The following PASK variants were observed in gnomAD, a reference collection of about 807,000 sequenced individuals.
PASK encodes PAS domain-containing serine/threonine-protein kinase.
In PASK, 110 loss-of-function variants were observed where a neutral mutation model predicts 121.0. That is an observed-to-expected ratio of 0.91 (90% CI 0.78 to 1.06). PASK has a LOEUF of 1.06. PASK is among the 50% of genes least tolerant of loss of function. The pLI, the probability that PASK is intolerant of heterozygous loss-of-function variation, is 0.00. For synonymous variants in PASK, 686 were observed against 717.8 expected (o/e 0.96, Z 0.71); for missense variants, 1,643 against 1,702.3 (o/e 0.97, Z 0.61).
chr2:241,149,889 G>A, upstream of PASK: 2 of 1,442,760 alleles, frequency 1.4e-6, no homozygotes, highest in Non-Finnish European at 1.8e-6. Flanking sequence ...CTGGCTAGCG[G>A]CCCCACCAGC....
chr2:241,148,316 C>T (rs939929234), intron 1 of PASK, among the ~76,000 whole-genome samples: 4 of 152,180 alleles, frequency 2.6e-5, no homozygotes, highest in African/African-American at 9.7e-5. Flanking sequence ...CCCCCTCCCA[C>T]CAGAACATAA....
chr2:241,116,060 A>G lies in PASK; in HGVS notation c.3073-647T>C, dbSNP rs1189840087. ...ACCCAGTCCTCAAGCATCCCATTAC[A>G]CCAGAGACACCCAGTCCTCCAGCAT... On this transcript the variant is annotated intron_variant, in intron 12 of 17. Coordinates refer to ENST00000234040, the MANE Select transcript of PASK (RefSeq NM_015148.4). Among the ~76,000 whole-genome samples, 3 of 135,464 alleles carry G rather than the reference A, an allele frequency of 2.2e-5. 1 individual carries two copies. Among genetic ancestry groups the G allele is most frequent in the Non-Finnish European group, 4.6e-5 (3 of 65,124 alleles). The allele number at this position is 135,464 out of a possible 152,430, so 88.9% of individuals were successfully genotyped here.
In PASK at chr2:241,140,564, T is replaced by C. The variant is rs148143770; in HGVS notation, c.386A>G (p.Asn129Ser). ...SSPLLPAPVC[N>S]PNKAIFTVDA... ...CACCGTGAAGATGGCCTTGTTAGGG[T>C]TGCACACAGGGGCCGGAAGCAGAGG... The change falls in exon 3 of 18, where the codon AAC becomes AGC. Residue 129 changes from asparagine (N) to serine (S), a missense_variant. By Grantham distance (46) the Asn-to-Ser change is conservative. Transcript: ENST00000234040. 13 of 1,612,860 alleles carry C rather than the reference T, an allele frequency of 8.1e-6. No individual in the cohort carries two copies. In the Admixed American group the frequency reaches 1.3e-4, roughly 17 times the overall value.
intron 12 of PASK, among the ~76,000 whole-genome samples, chr2:241,115,965 C>T (rs1441601603): frequency 1.0e-5 from 1 of 98,256 alleles, no homozygotes; most frequent in Non-Finnish European, 1.8e-5. Context: ...GCCGGGGCCA[C>T]CTGGTCCTCA....
intron 9 of PASK, among the ~76,000 whole-genome samples, chr2:241,132,544 A>G (rs974823129): frequency 2.0e-5 from 3 of 151,006 alleles, no homozygotes; most frequent in Non-Finnish European, 3.0e-5. Flanking sequence ...AAAAAAAAAA[A>G]AAAAAAAAAA....
At chr2:241,114,828 G>A (rs1394124254) in intron 14 of PASK, 1 of 1,465,898 alleles carries the variant, frequency 6.8e-7, no homozygotes, top group Non-Finnish European at 9.0e-7. Context: ...TTCCAGGACT[G>A]TATCTGGCCT....
rs1026889480 is a variant in PASK at position 241,106,182 on chromosome 2, C to G, written c.*384G>C. 6 of 262,012 alleles carry G rather than the reference C, an allele frequency of 2.3e-5. No individual in the cohort carries two copies. The Admixed American group carries it at 3.0e-4, about 13-fold the overall frequency. 16.2% of individuals were successfully genotyped at this position (262,012 alleles called of 1,614,324 possible). A position where few individuals can be genotyped will look rare whatever the true frequency, so the allele number is the denominator to read the frequency against. ...GAAATAGTCTGGCCATTTGACTAAC[C>G]AGTTCTACAAATTTCACATATCCGT... is the stretch of plus-strand genomic sequence containing the variant. On this transcript the variant is annotated 3_prime_UTR_variant, in exon 18 of 18. Transcript: ENST00000234040.
In PASK at chr2:241,108,334, C is replaced by T. The variant is rs1226076843; in HGVS notation, c.3534-34G>A. On this transcript the variant is annotated intron_variant, in intron 15 of 17. Coordinates refer to ENST00000234040, the MANE Select transcript of PASK (RefSeq NM_015148.4). This position sits in a 1 kb window ranked among gnomAD's most constrained non-coding sequence, Gnocchi z 5.2. The stretch of plus-strand genomic sequence containing the variant: ...AGGAGGAGGCATCAGGACGCCACGG[C>T]ACTCAGCGCAGGCTTGCCAAGCCCG... 2.5e-6 allele frequency: 4 copies of T among 1,612,522 alleles called. No individual in the cohort carries two copies. The highest frequency in any genetic ancestry group is 2.2e-5 in the East Asian group (1 of 44,884).
rs376643711 is a variant in PASK at position 241,127,205 on chromosome 2, C to A, written c.1710G>T (p.Lys570Asn). Residue 570 changes from lysine to asparagine, a missense_variant, in exon 10 of 18, where the codon AAG (lysine) becomes AAT (asparagine). Lys to Asn is a moderately conservative substitution (Grantham distance 94). This residue lies in a region of PASK where 1,176 missense variants were observed against 1,162.2 expected (regional missense o/e 1.01). Transcript: ENST00000234040. ...TGACTCCCATCCGCTCTAGCTGGGC[C>A]TTCTGACACAGGCCACACATGCCAG... ...SDAGMCGLCQ[K>N]AQLERMGVSG... 8 of 1,614,134 alleles carry A rather than the reference C, an allele frequency of 5.0e-6. No homozygotes were observed. The South Asian group carries it at 8.8e-5, about 18-fold the overall frequency.
chr2:241,125,917 G>A (rs1032079144), intron 10 of PASK, among the ~76,000 whole-genome samples: 4 of 152,146 alleles, frequency 2.6e-5, no homozygotes, highest in Admixed American at 6.5e-5. Context: ...TGGGAGGAGC[G>A]GCTCTCTAAG....
At chr2:241,134,344 GAT>G (rs1329799920) in intron 8 of PASK, 3 of 152,228 alleles carry the variant, frequency 2.0e-5, no homozygotes, top group Non-Finnish European at 4.4e-5. Flanking sequence ...GACAGACTGA[GAT>G]AGAAAAACCC....
chr2:241,144,193 GT>G (rs1342381903), intron 1 of PASK, among the ~76,000 whole-genome samples: 1 of 151,942 alleles, frequency 6.6e-6, no homozygotes, highest in Non-Finnish European at 1.5e-5. Flanking sequence ...ATGCAGTCTT[GT>G]CACATGTATA....
chr2:241,112,182 A>AC lies in PASK; in HGVS notation c.3533+57dup. 7.4e-7 allele frequency: 1 copy of AC among 1,348,172 alleles called. No homozygotes were observed. The highest frequency in any genetic ancestry group is 1.9e-4 in the Middle Eastern group (1 of 5,310). 83.5% of individuals were successfully genotyped at this position (1,348,172 alleles called of 1,614,324 possible). On this transcript the variant is annotated intron_variant, in intron 15 of 17. Coordinates refer to ENST00000234040, the MANE Select transcript of PASK (RefSeq NM_015148.4). This position sits in a 1 kb window ranked among gnomAD's most constrained non-coding sequence, Gnocchi z 5.2. ...CCATTTTCCCACCCAAAATCAAGCC[A>AC]CCCTCAGGGTCCTGACAGAGGACAC...
intron 2 of PASK, among the ~76,000 whole-genome samples, 161 bp downstream of exon 2, chr2:241,142,676 G>A (rs543777414): frequency 7.2e-5 from 11 of 152,344 alleles, no homozygotes; most frequent in South Asian, 2.1e-4. Context: ...GGGTCCTGCC[G>A]GAGTCATCTG....
chr2:241,143,197 C>T (rs6749340), intron 1 of PASK, 123 bp from the exon 2 acceptor site: 1 of 677,422 alleles, frequency 1.5e-6, no homozygotes, highest in South Asian at 1.6e-5. Context: ...AACCGCCATC[C>T]TGGGTCAGAA....
upstream of PASK, chr2:241,149,822 C>T: frequency 2.0e-6 from 3 of 1,526,760 alleles, no homozygotes; most frequent in Non-Finnish European, 2.6e-6. Flanking sequence ...GCAGCGTCCG[C>T]ACTGGGCTGG....
Position 241,126,298 on chromosome 2 carries a change from A to C in PASK, c.2617T>G (p.Ser873Ala). Residue 873 changes from serine to alanine, a missense_variant, in exon 10 of 18, where the codon TCC (serine) becomes GCC (alanine). Physicochemically the swap from Ser to Ala is moderately conservative, Grantham distance 99. Around this residue, in one of 3 missense-constraint regions of PASK, gnomAD observed 1,176 missense variants for 1,162.2 expected, o/e 1.01. Coordinates refer to ENST00000234040, the MANE Select transcript of PASK (RefSeq NM_015148.4). ...EEPRLNVQVT[S>A]TPVIVMRGAA... is the part of the protein sequence containing the mutation. The stretch of plus-strand genomic sequence containing the variant: ...CCGCGCATCACGATCACGGGCGTGG[A>C]GGTGACCTGGACGTTCAGCCTTGGC... 2 of 1,614,176 alleles carry C rather than the reference A, an allele frequency of 1.2e-6. No homozygotes were observed. Among genetic ancestry groups the C allele is most frequent in the Non-Finnish European group, 1.7e-6 (2 of 1,180,012 alleles).
Position 241,107,476 on chromosome 2 carries a change from G to C in PASK, c.3691C>G (p.Leu1231Val). Residue 1231 changes from leucine to valine, a missense_variant, in exon 17 of 18, where the codon CTG becomes GTG. Physicochemically the swap from Leu to Val is conservative, Grantham distance 32. Around this residue, in one of 3 missense-constraint regions of PASK, gnomAD observed 453 missense variants for 511.2 expected, o/e 0.89. Coordinates refer to ENST00000234040, the MANE Select transcript of PASK (RefSeq NM_015148.4). ...CGTCTCTCAGGGACTGGCTGCAGCA[G>C]CCCAGACACAAGGCTCATGAGTTCT... ...SKELMSLVSG[L>V]LQPVPERRTT... 1.2e-6 allele frequency: 2 copies of C among 1,614,104 alleles called. No individual in the cohort carries two copies. Among genetic ancestry groups the C allele is most frequent in the Non-Finnish European group, 1.7e-6 (2 of 1,179,958 alleles).
At chr2:241,133,393 C>T (rs2066260316) in intron 8 of PASK, 1 of 367,092 alleles carries the variant, frequency 2.7e-6, no homozygotes, top group East Asian at 6.9e-5. Context: ...ACCTGGCCTC[C>T]CTGCCATATC....
Sources: gnomAD v4.1 joint callset for allele counts (sites outside exome capture counted in the v4.1 genomes callset) on GRCh38, gnomAD v4.1.1 for gene constraint, gnomAD v4.1.1 regional missense constraint, Gnocchi (gnomAD v3.1) non-coding constraint, MANE v1.5 for transcripts, NCBI Gene and HGNC (gene_info 2026-07-23, HGNC 2026-07-21) for gene names.